Variants in SLC37A1 observed in about 807,000 individuals in gnomAD.
SLC37A1 encodes glucose-6-phosphate exchanger SLC37A1.
A neutral mutation model predicts 75.3 loss-of-function variants in SLC37A1; 49 were observed. That is an observed-to-expected ratio of 0.65 (90% confidence interval 0.52 to 0.83). The LOEUF (loss-of-function observed/expected upper bound fraction) is 0.83, where lower values mean the gene tolerates loss of function less well. SLC37A1 is among the 40% of genes least tolerant of loss of function. The probability of loss-of-function intolerance (pLI) is 0.00; values close to 1 mark genes in which losing one functional copy is unlikely to be tolerated. For synonymous variants in SLC37A1, 268 were observed against 292.1 expected (o/e 0.92, Z 0.84); for missense variants, 566 against 695.0 (o/e 0.81, Z 2.09).
upstream of SLC37A1, among the ~76,000 whole-genome samples, chr21:42,512,259 A>G (rs1357204905): frequency 6.6e-6 from 1 of 150,504 alleles, no homozygotes; most frequent in East Asian, 2.0e-4. Flanking sequence ...CTGTCTCCAT[A>G]TGAGGCCGAG....
chr21:42,575,460 G>A lies in SLC37A1; in HGVS notation c.1521+545G>A, dbSNP rs73908210. The A allele has an allele frequency of 0.014, 13,743 of 985,346 alleles. 1,411 individuals are homozygous for A. In the African/African-American group the frequency reaches 0.22, roughly 16 times the overall value. 61.0% of individuals were successfully genotyped at this position (985,346 alleles called of 1,614,324 possible). ...AGGTTGCCAGTGCAGACACTGAGTC[G>A]CCTTCTGGCTTCTGCCCCCTTTTCT... is the stretch of plus-strand genomic sequence containing the variant. On this transcript the variant is annotated intron_variant, in intron 18 of 19. Coordinates refer to ENST00000352133, the MANE Select transcript of SLC37A1 (RefSeq NM_001320537.2).
In SLC37A1 at chr21:42,547,167, T is replaced by C. The variant is rs1242796065; in HGVS notation, c.768+27T>C. ...TAAGGACCCTGTTTTCTTGTCCTTT[T>C]CTAGAACAGTGTGCGGTTCTGACCA... is the stretch of plus-strand genomic sequence containing the variant. On this transcript the variant is annotated intron_variant, in intron 9 of 19. Coordinates refer to ENST00000352133, the MANE Select transcript of SLC37A1 (RefSeq NM_001320537.2). The surrounding 1 kb of genome is among the most constrained non-coding windows in gnomAD (Gnocchi z 6.1). 4.3e-6 allele frequency: 7 copies of C among 1,613,964 alleles called. No individual in the cohort carries two copies. Among genetic ancestry groups the C allele is most frequent in the Non-Finnish European group, 5.1e-6 (6 of 1,179,916 alleles).
intron 2 of SLC37A1, among the ~76,000 whole-genome samples, chr21:42,503,222 G>A (rs185292609): frequency 6.6e-6 from 1 of 151,478 alleles, no homozygotes; most frequent in Non-Finnish European, 1.5e-5. Flanking sequence ...ACAAGGTAAG[G>A]GGTATTACTT....
chr21:42,519,803 T>G (rs1186381691), intron 2 of SLC37A1, among the ~76,000 whole-genome samples: 1 of 152,242 alleles, frequency 6.6e-6, no homozygotes, highest in African/African-American at 2.4e-5. Flanking sequence ...TAGGTTTTAT[T>G]TAGTGAATGT....
rs1569043079 is a variant in SLC37A1 at position 42,571,350 on chromosome 21, C to T, written c.1423+2912C>T. ...TTGTTGACACGGTGTGCGCCTGGGGCGTTCACAGTGCTTAGAATCGCAGAG... is the reference window on the plus strand; with the variant it reads ...TTGTTGACACGGTGTGCGCCTGGGGTGTTCACAGTGCTTAGAATCGCAGAG... On this transcript the variant is annotated intron_variant, in intron 17 of 19. Transcript: ENST00000352133. Among the ~76,000 whole-genome samples the T allele has an allele frequency of 2.6e-5, 4 of 152,238 alleles. No homozygotes were observed. In the South Asian group the frequency reaches 8.3e-4, roughly 31 times the overall value.
In SLC37A1 at chr21:42,542,419, G is replaced by T; in HGVS notation, c.502G>T (p.Val168Leu). ...TCTCCTGCAGGTCATCAACGGGCTG[G>T]TGCAGACCACCGGCTGGCCCAGCGT... is the stretch of plus-strand genomic sequence containing the variant. The part of the protein sequence containing the change: ...YVVTQVINGL[V>L]QTTGWPSVVT... Residue 168 changes from valine (V) to leucine (L), a missense_variant, in exon 7 of 20, where the codon GTG becomes TTG. By Grantham distance (32) the Val-to-Leu change is conservative. Transcript: ENST00000352133. 1 of 1,613,944 alleles carries T rather than the reference G, an allele frequency of 6.2e-7. No homozygotes were observed. Among genetic ancestry groups the T allele is most frequent in the Non-Finnish European group, 8.5e-7 (1 of 1,179,914 alleles).
chr21:42,543,284 C>T (rs1168076477), intron 7 of SLC37A1, 152 bp from the exon 8 acceptor site: 6 of 862,590 alleles, frequency 7.0e-6, no homozygotes, highest in African/African-American at 1.7e-5. Flanking sequence ...GTGAGCATCG[C>T]GAGTCCTGCA....
intron 2 of SLC37A1, among the ~76,000 whole-genome samples, chr21:42,523,010 G>A (rs116957039): frequency 0.051 from 7,808 of 152,290 alleles, 287 homozygotes; most frequent in Middle Eastern, 0.13. Flanking sequence ...GGTGTGTGTC[G>A]GGGCCTCAGC....
intron 17 of SLC37A1, among the ~76,000 whole-genome samples, chr21:42,574,224 A>G (rs905501303): frequency 1.3e-5 from 2 of 152,252 alleles, no homozygotes; most frequent in African/African-American, 4.8e-5. Context: ...TAGTATCTAC[A>G]ATTCTTATTC....
intron 1 of SLC37A1, among the ~76,000 whole-genome samples, chr21:42,515,096 T>C (rs911483179): frequency 9.9e-5 from 15 of 152,186 alleles, no homozygotes; most frequent in South Asian, 2.1e-4. Flanking sequence ...ATGTTCTCTT[T>C]GTTGGGGGTT....
At position 42,547,536 on chromosome 21, in the gene SLC37A1, G is replaced by A; in HGVS notation, c.768+396G>A. ...CACGTCTCAGGTGGCCGAGAGGTCTGCCCAGCACGCCATTCCTTCTCTTCT... is the reference window on the plus strand; with the variant it reads ...CACGTCTCAGGTGGCCGAGAGGTCTACCCAGCACGCCATTCCTTCTCTTCT... On this transcript the variant is annotated intron_variant, in intron 9 of 19. Transcript: ENST00000352133. The surrounding 1 kb of genome is among the most constrained non-coding windows in gnomAD (Gnocchi z 6.1). 1 of 206,316 alleles carries A rather than the reference G, an allele frequency of 4.8e-6. No homozygotes were observed. The highest frequency in any genetic ancestry group is 9.9e-6 in the Non-Finnish European group (1 of 101,284). The allele number at this position is 206,316 out of a possible 1,614,324, so 12.8% of individuals were successfully genotyped here. A position where few individuals can be genotyped will look rare whatever the true frequency, so the allele number is the denominator to read the frequency against.
At chr21:42,578,978 G>A (rs2056362393) in intron 18 of SLC37A1, among the ~76,000 whole-genome samples, 1 of 152,202 alleles carries the variant, frequency 6.6e-6, no homozygotes, top group South Asian at 2.1e-4. Context: ...TAAGAACGAG[G>A]GGCCACGTCC....
chr21:42,577,970 A>T (rs1297396868), intron 18 of SLC37A1, among the ~76,000 whole-genome samples: 1 of 152,248 alleles, frequency 6.6e-6, no homozygotes, highest in Non-Finnish European at 1.5e-5. Context: ...TGGAGAAGGA[A>T]CTATACCAGG....
chr21:42,571,437 T>TTAA (rs2056161597), intron 17 of SLC37A1, among the ~76,000 whole-genome samples: 1 of 152,248 alleles, frequency 6.6e-6, no homozygotes, highest in South Asian at 2.1e-4. Flanking sequence ...TTTCTTCAAG[T>TTAA]TAATTTTTAT....
chr21:42,533,801 A>AG (rs1051797933), intron 3 of SLC37A1, among the ~76,000 whole-genome samples: 1 of 152,184 alleles, frequency 6.6e-6, no homozygotes, highest in Admixed American at 6.5e-5. Context: ...AGACCGAGGC[A>AG]GGGGCAGCAA....
intron 6 of SLC37A1, among the ~76,000 whole-genome samples, 188 bp from the exon 7 acceptor site, chr21:42,542,216 G>A (rs2055300671): frequency 6.6e-6 from 1 of 152,118 alleles, no homozygotes; most frequent in Admixed American, 6.5e-5. Flanking sequence ...AAAATATATA[G>A]ATACCTGTAT....
At chr21:42,579,680 C>A (rs899243470) in intron 18 of SLC37A1, 56 bp from the exon 19 acceptor site, 23 of 1,601,366 alleles carry the variant, frequency 1.4e-5, no homozygotes, top group Admixed American at 1.3e-4. Flanking sequence ...GCCCACGGCG[C>A]GGGCCGCCCT....
intron 12 of SLC37A1, among the ~76,000 whole-genome samples, chr21:42,562,450 C>T (rs1376530291): frequency 2.0e-5 from 3 of 152,122 alleles, no homozygotes; most frequent in Non-Finnish European, 2.9e-5. Context: ...GGGCAGCCTG[C>T]GTTTAAACGT....
intron 14 of SLC37A1, among the ~76,000 whole-genome samples, chr21:42,565,354 G>A (rs78614129): frequency 2.6e-5 from 4 of 152,272 alleles, no homozygotes; most frequent in South Asian, 4.1e-4. Context: ...CTGCCCCTCC[G>A]CTAGCCCCAG....
Sources: allele counts gnomAD v4.1 joint callset (sites outside exome capture counted in the v4.1 genomes callset), GRCh38; gene constraint gnomAD v4.1.1; non-coding constraint Gnocchi (gnomAD v3.1); transcripts MANE v1.5; gene names NCBI Gene and HGNC (gene_info 2026-07-23, HGNC 2026-07-21).